FBXL17: variants seen among roughly 807,000 people sequenced by gnomAD.
FBXL17 encodes the protein F-box/LRR-repeat protein 17.
Under a neutral mutation model 66.2 loss-of-function variants are expected in FBXL17, and 22 were observed. The observed-to-expected ratio is 0.33, with a 90% CI of 0.24 to 0.47. FBXL17 has a LOEUF of 0.47. FBXL17 is among the 20% of genes least tolerant of loss of function. The pLI is 1.00. For missense variants in FBXL17, 878 were observed against 948.2 expected (o/e 0.93, Z 0.97); for synonymous variants, 474 against 400.5 (o/e 1.18, Z -2.19).
At chr5:107,890,414 T>G (rs535373345) in intron 7 of FBXL17, among the ~76,000 whole-genome samples, 1 of 150,810 alleles carries the variant, frequency 6.6e-6, no homozygotes, top group South Asian at 2.1e-4. Context: ...ATAATCCCTG[T>G]ACTTTGGGGG....
chr5:107,975,509 C>T (rs951761848), intron 7 of FBXL17, among the ~76,000 whole-genome samples: 5 of 152,120 alleles, frequency 3.3e-5, no homozygotes, highest in Middle Eastern at 3.4e-3. Flanking sequence ...TTATTCTATA[C>T]GGTATTCAAG....
intron 4 of FBXL17, among the ~76,000 whole-genome samples, chr5:108,256,559 C>T (rs1391509478): frequency 6.6e-6 from 1 of 151,942 alleles, no homozygotes; most frequent in Non-Finnish European, 1.5e-5. Flanking sequence ...TACCATATCT[C>T]CAAATGTTTG....
intron 5 of FBXL17, among the ~76,000 whole-genome samples, chr5:108,203,547 T>C (rs955453023): frequency 2.0e-5 from 3 of 152,164 alleles, no homozygotes; most frequent in Non-Finnish European, 4.4e-5. Flanking sequence ...CCTTTCATAA[T>C]ACAGTACTCA....
At chr5:107,873,806 T>C (rs1748529783) in intron 8 of FBXL17, among the ~76,000 whole-genome samples, 1 of 152,226 alleles carries the variant, frequency 6.6e-6, no homozygotes, top group African/African-American at 2.4e-5. Flanking sequence ...GATTATTTAC[T>C]GCAAAGCAAT....
chr5:108,359,732 G>C (rs1748220522), intron 3 of FBXL17, among the ~76,000 whole-genome samples: 1 of 152,062 alleles, frequency 6.6e-6, no homozygotes, highest in Non-Finnish European at 1.5e-5. Context: ...CTATCTGTGA[G>C]ACTGTTCCAT....
Position 108,126,631 on chromosome 5 carries a change from G to GTCTCTCTC in FBXL17, c.1745+59478_1745+59485dup, listed in dbSNP as rs140769664. 4.4e-3 allele frequency among the ~76,000 whole-genome samples: 490 copies of GTCTCTCTC among 112,468 alleles called. 2 individuals are homozygous for GTCTCTCTC. Among genetic ancestry groups the GTCTCTCTC allele is most frequent in the South Asian group, 0.015 (41 of 2,732 alleles). 73.8% of individuals were successfully genotyped at this position (112,468 alleles called of 152,430 possible). ...TATAAGATTATCTCTCTGTCTCTCT[G>GTCTCTCTC]TCTCTCTCTCTCTCTCTCTCTATAT... On this transcript the variant is annotated intron_variant, in intron 6 of 8. Transcript: ENST00000542267.
intron 1 of FBXL17, 87 bp downstream of exon 1, chr5:108,380,612 G>C (rs1749778352): frequency 1.2e-6 from 1 of 865,570 alleles, no homozygotes; most frequent in Non-Finnish European, 1.6e-6. Flanking sequence ...CCTCCTCCGC[G>C]CTTAGGGGGA....
intron 5 of FBXL17, among the ~76,000 whole-genome samples, chr5:108,190,676 T>A (rs2416526): frequency 7.1e-6 from 1 of 140,468 alleles, no homozygotes; most frequent in East Asian, 5.6e-4. Flanking sequence ...CAAGTTCTCT[T>A]GTTTTTGATT....
chr5:107,905,198 T>G (rs1459565322), intron 7 of FBXL17, among the ~76,000 whole-genome samples: 1 of 152,174 alleles, frequency 6.6e-6, no homozygotes, highest in East Asian at 1.9e-4. Flanking sequence ...AAAATTTCAA[T>G]TTAGTGTGTA....
intron 6 of FBXL17, among the ~76,000 whole-genome samples, chr5:108,158,014 T>C (rs905614294): frequency 3.5e-4 from 53 of 152,210 alleles, no homozygotes; most frequent in African/African-American, 1.3e-3. Context: ...CTTACAAAAC[T>C]TGCCTCTTGA....
At chr5:108,019,174 G>C (rs1416002489) in intron 7 of FBXL17, among the ~76,000 whole-genome samples, 2 of 152,116 alleles carry the variant, frequency 1.3e-5, no homozygotes, top group Non-Finnish European at 2.9e-5. Context: ...ACATACAGAA[G>C]CATGAAGTCA....
At chr5:107,882,899 C>T (rs113812428) in intron 7 of FBXL17, among the ~76,000 whole-genome samples, 148 of 152,228 alleles carry the variant, frequency 9.7e-4, no homozygotes, top group Admixed American at 1.7e-3. Flanking sequence ...GGCTAGAACA[C>T]GAAAGCCCAG....
chr5:107,960,386 G>T (rs1477567274), intron 7 of FBXL17, among the ~76,000 whole-genome samples: 2 of 152,032 alleles, frequency 1.3e-5, no homozygotes, highest in African/African-American at 2.4e-5. Context: ...TCACCATGCT[G>T]TGCAACACAC....
chr5:108,177,951 C>T (rs1371429917), intron 6 of FBXL17, among the ~76,000 whole-genome samples: 1 of 126,456 alleles, frequency 7.9e-6, no homozygotes, highest in African/African-American at 2.7e-5. Context: ...ACACTATTAC[C>T]TCACTAGCAC....
intron 6 of FBXL17, among the ~76,000 whole-genome samples, chr5:108,181,492 A>G (rs1321624220): frequency 1.3e-5 from 2 of 152,258 alleles, no homozygotes; most frequent in Admixed American, 6.5e-5. Flanking sequence ...CACAGAGATC[A>G]ATTCAAGGAC....
intron 1 of FBXL17, among the ~76,000 whole-genome samples, chr5:108,369,462 A>T (rs896187477): frequency 2.0e-5 from 3 of 152,216 alleles, no homozygotes; most frequent in African/African-American, 7.2e-5. Flanking sequence ...TATGTGGCTC[A>T]GAGTAAATCT....
chr5:108,211,651 G>A (rs962567311), intron 5 of FBXL17, among the ~76,000 whole-genome samples: 2 of 152,220 alleles, frequency 1.3e-5, no homozygotes. Flanking sequence ...TTGAATATTG[G>A]CCCCCACTCT....
intron 4 of FBXL17, among the ~76,000 whole-genome samples, chr5:108,287,792 T>C (rs1385218997): frequency 6.6e-6 from 1 of 151,978 alleles, no homozygotes; most frequent in African/African-American, 2.4e-5. Flanking sequence ...TGTAAGTCAT[T>C]CTACCCTACA....
chr5:108,168,845 C>T (rs570022768), intron 6 of FBXL17, among the ~76,000 whole-genome samples: 1 of 152,140 alleles, frequency 6.6e-6, no homozygotes, highest in East Asian at 1.9e-4. Context: ...ATATAGTGTA[C>T]AACTAAGAGT....
Sources: gnomAD v4.1 joint callset for allele counts (sites outside exome capture counted in the v4.1 genomes callset) on GRCh38, gnomAD v4.1.1 for gene constraint, MANE v1.5 for transcripts, NCBI Gene and HGNC (gene_info 2026-07-23, HGNC 2026-07-21) for gene names.